The following RERE variants were observed in gnomAD, a reference collection of about 807,000 sequenced individuals.
RERE encodes the protein arginine-glutamic acid dipeptide repeats protein.
In RERE, 40 loss-of-function variants were observed where a neutral mutation model predicts 146.1. That is an observed-to-expected ratio of 0.27 (90% CI 0.21 to 0.36). The LOEUF (loss-of-function observed/expected upper bound fraction) is 0.36, where lower values mean the gene tolerates loss of function less well. Ranked by LOEUF, RERE falls within the 10% of genes least tolerant of loss-of-function variation. RERE has a pLI of 1.00. For missense variants in RERE, 1,933 were observed against 2,138.7 expected (o/e 0.90, Z 1.90); for synonymous variants, 1,003 against 866.0 (o/e 1.16, Z -2.78).
rs767172334 is a variant in RERE, at chr1:8,361,207, G to A, written c.2300C>T (p.Thr767Met). The change falls in exon 18 of 23, where the codon ACG becomes ATG. Residue 767 changes from threonine to methionine, a missense_variant. By Grantham distance (81) the Thr-to-Met change is moderately conservative (BLOSUM62 -1). Coordinates refer to ENST00000400908, the MANE Select transcript of RERE (RefSeq NM_001042681.2). ...TGGGGGAACTGCAGTGGCAGAGGGC[G>A]TGGGCCCTGGCGTGGGCAGCTGAGG... ...GTPQLPTPGP[T>M]PSATAVPPQG... The A allele has an allele frequency of 4.8e-5, 73 of 1,508,110 alleles. 2 individuals carry two copies. The highest frequency in any genetic ancestry group is 8.3e-5 in the African/African-American group (6 of 72,144). 93.4% of individuals were successfully genotyped at this position (1,508,110 alleles called of 1,614,324 possible).
At chr1:8,464,278 A>T (rs1013052971) in intron 11 of RERE, among the ~76,000 whole-genome samples, 1 of 152,150 alleles carries the variant, frequency 6.6e-6, no homozygotes. Flanking sequence ...AGCTCCGCCT[A>T]GCTTTTCCCA....
intron 1 of RERE, among the ~76,000 whole-genome samples, chr1:8,805,484 A>G (rs989398221): frequency 6.6e-6 from 1 of 152,076 alleles, no homozygotes; most frequent in African/African-American, 2.4e-5. Context: ...CCTCACCTCT[A>G]CTAAAAATAC....
intron 1 of RERE, among the ~76,000 whole-genome samples, chr1:8,758,130 G>C (rs938190566): frequency 6.6e-6 from 1 of 151,678 alleles, no homozygotes; most frequent in Non-Finnish European, 1.5e-5. Flanking sequence ...CTGTCACCCA[G>C]GCTGGAGTGC....
At chr1:8,590,977 C>G (rs1239286166) in intron 4 of RERE, 1 of 152,188 alleles carries the variant, frequency 6.6e-6, no homozygotes, top group Admixed American at 6.5e-5. Context: ...CTGTATTATT[C>G]CATCAGTGTG....
chr1:8,500,447 A>G (rs1645116115), intron 8 of RERE, among the ~76,000 whole-genome samples: 1 of 152,238 alleles, frequency 6.6e-6, no homozygotes, highest in Non-Finnish European at 1.5e-5. Context: ...CCTGACCGCG[A>G]GTGATCCGCC....
At chr1:8,390,243 C>T (rs1362263171) in intron 12 of RERE, among the ~76,000 whole-genome samples, 1 of 152,132 alleles carries the variant, frequency 6.6e-6, no homozygotes, top group South Asian at 2.1e-4. Context: ...AGCAGAGACC[C>T]CACTCCAGAC....
chr1:8,379,373 T>C (rs1324465961), intron 12 of RERE, among the ~76,000 whole-genome samples: 1 of 151,706 alleles, frequency 6.6e-6, no homozygotes, highest in Non-Finnish European at 1.5e-5. Context: ...CAGACAAATG[T>C]GTGAGGCTCT....
At chr1:8,775,896 C>T (rs530128443) in intron 1 of RERE, among the ~76,000 whole-genome samples, 29 of 152,154 alleles carry the variant, frequency 1.9e-4, no homozygotes, top group Non-Finnish European at 3.2e-4. Context: ...GGTTAAGTAA[C>T]TTCCTCATTA....
chr1:8,486,964 C>G (rs1330645492), intron 10 of RERE, among the ~76,000 whole-genome samples: 1 of 152,016 alleles, frequency 6.6e-6, no homozygotes, highest in East Asian at 1.9e-4. Context: ...AACCAAAGTT[C>G]TTATTACCAA....
intron 7 of RERE, among the ~76,000 whole-genome samples, chr1:8,525,149 C>A (rs966484724): frequency 6.6e-6 from 1 of 152,154 alleles, no homozygotes; most frequent in East Asian, 1.9e-4. Context: ...TGTGACATAA[C>A]CTTTCATTTT....
intron 3 of RERE, among the ~76,000 whole-genome samples, chr1:8,619,335 C>G (rs1646891501): frequency 6.6e-6 from 1 of 152,162 alleles, no homozygotes; most frequent in African/African-American, 2.4e-5. Flanking sequence ...TCTGGCTTAA[C>G]TTTAAGGACA....
chr1:8,459,123 A>C (rs1464199745), intron 11 of RERE, among the ~76,000 whole-genome samples: 2 of 152,228 alleles, frequency 1.3e-5, no homozygotes, highest in African/African-American at 4.8e-5. Context: ...GACTTCTTTA[A>C]GCAAGGGTTT....
chr1:8,661,557 G>C (rs777535703), intron 1 of RERE, among the ~76,000 whole-genome samples: 8 of 152,198 alleles, frequency 5.3e-5, no homozygotes, highest in Non-Finnish European at 1.0e-4. Flanking sequence ...ACAAGCAGCA[G>C]CTGGGAAGGG....
At chr1:8,810,030 G>A (rs1233661113) in intron 1 of RERE, among the ~76,000 whole-genome samples, 1 of 152,046 alleles carries the variant, frequency 6.6e-6, no homozygotes, top group African/African-American at 2.4e-5. Context: ...GTTTGAGACA[G>A]AGTCTTGCTC....
intron 4 of RERE, 126 bp from the exon 5 acceptor site, chr1:8,557,649 C>T (rs900922620): frequency 1.5e-6 from 1 of 681,300 alleles, no homozygotes; most frequent in African/African-American, 1.8e-5. Flanking sequence ...CAATTACCAT[C>T]AGGACCACAA....
intron 8 of RERE, among the ~76,000 whole-genome samples, chr1:8,506,647 T>C (rs1013952467): frequency 1.3e-5 from 2 of 152,218 alleles, no homozygotes; most frequent in Non-Finnish European, 2.9e-5. Context: ...GTGCTAATCA[T>C]GTTAAACTCT....
chr1:8,773,600 C>G (rs1430926095), intron 1 of RERE, among the ~76,000 whole-genome samples: 1 of 152,178 alleles, frequency 6.6e-6, no homozygotes, highest in Non-Finnish European at 1.5e-5. Context: ...CCAGGGTGGG[C>G]GAATCACAAG....
intron 6 of RERE, among the ~76,000 whole-genome samples, chr1:8,544,103 A>G (rs1334194990): frequency 1.3e-5 from 2 of 152,198 alleles, no homozygotes; most frequent in Admixed American, 6.5e-5. Flanking sequence ...TAATCATAGT[A>G]TTGGAAATAA....
Position 8,656,342 on chromosome 1 carries a change from G to T in RERE, c.-45C>A. 6.4e-7 allele frequency: 1 copy of T among 1,569,978 alleles called. No individual in the cohort carries two copies. The highest frequency in any genetic ancestry group is 8.6e-7 in the Non-Finnish European group (1 of 1,159,474). On this transcript the variant is annotated 5_prime_UTR_variant, in exon 2 of 23. Coordinates refer to ENST00000400908, the MANE Select transcript of RERE (RefSeq NM_001042681.2). ...TCTGTCCTCTCACGGCTAGGCCTCC[G>T]TGAAAGGTAGACAGTAAGCCTGGGC...
Sources: gnomAD v4.1 joint callset for allele counts (sites outside exome capture counted in the v4.1 genomes callset) on GRCh38, gnomAD v4.1.1 for gene constraint, MANE v1.5 for transcripts, NCBI Gene and HGNC (gene_info 2026-07-23, HGNC 2026-07-21) for gene names.